Variants in DYM observed in about 807,000 individuals in gnomAD.
The protein encoded by DYM is dymeclin.
A neutral mutation model predicts 93.1 loss-of-function variants in DYM; 78 were observed. That is an observed-to-expected ratio of 0.84 (90% CI 0.70 to 1.01). The LOEUF is 1.01. DYM is among the 50% of genes least tolerant of loss of function. The pLI is 0.00. For synonymous variants in DYM, 321 were observed against 319.7 expected (o/e 1.00, Z -0.04); for missense variants, 789 against 845.0 (o/e 0.93, Z 0.82).
chr18:49,240,361 G>A (rs1016721000), intron 13 of DYM, among the ~76,000 whole-genome samples: 6 of 151,864 alleles, frequency 4.0e-5, no homozygotes, highest in South Asian at 4.2e-4. Flanking sequence ...TTAAAACTGA[G>A]AAAATATTAA....
At chr18:49,306,012 C>T (rs544541676) in intron 8 of DYM, among the ~76,000 whole-genome samples, 22 of 152,316 alleles carry the variant, frequency 1.4e-4, no homozygotes, top group African/African-American at 5.3e-4. Flanking sequence ...CACATTATAA[C>T]TCACACATTA....
rs2094717805 is a variant in DYM, at chr18:49,272,085, T to G, written c.1251+93A>C. ...TCTAATACAGGTTCTCACAGGAACATCTACCAGAAAGAAATGTAAAGACTA... is the reference window on the plus strand; with the variant it reads ...TCTAATACAGGTTCTCACAGGAACAGCTACCAGAAAGAAATGTAAAGACTA... On this transcript the variant is annotated intron_variant, in intron 11 of 17. Coordinates refer to ENST00000675505, the MANE Select transcript of DYM (RefSeq NM_001353214.3). 9 of 1,084,400 alleles carry G rather than the reference T, an allele frequency of 8.3e-6. No individual in the cohort carries two copies. The South Asian group carries it at 1.3e-4, about 15-fold the overall frequency. 67.2% of individuals were successfully genotyped at this position (1,084,400 alleles called of 1,614,324 possible).
intron 13 of DYM, among the ~76,000 whole-genome samples, chr18:49,226,792 A>G (rs1307361024): frequency 6.6e-6 from 1 of 152,154 alleles, no homozygotes; most frequent in East Asian, 1.9e-4. Context: ...CATTAAAACT[A>G]TGACTCCCAC....
chr18:49,350,223 T>C (rs2064988387), intron 6 of DYM, among the ~76,000 whole-genome samples: 2 of 152,278 alleles, frequency 1.3e-5, no homozygotes, highest in South Asian at 4.1e-4. Context: ...GGAGTGTTGT[T>C]TATAATAGTA....
intron 1 of DYM, among the ~76,000 whole-genome samples, chr18:49,439,653 G>A (rs1268473272): frequency 6.6e-6 from 1 of 152,076 alleles, no homozygotes; most frequent in African/African-American, 2.4e-5. Flanking sequence ...AGTACAATAT[G>A]CTAATTAAAA....
In DYM at chr18:49,130,712, G is replaced by A. The variant is rs191728863; in HGVS notation, c.1729-11786C>T. On this transcript the variant is annotated intron_variant, in intron 15 of 17. Coordinates refer to ENST00000675505, the MANE Select transcript of DYM (RefSeq NM_001353214.3). ...ATTTCCTAGAATTATACAATGGACT[G>A]TATGACTTGGTAGGTGCTATGGCAG... Among the ~76,000 whole-genome samples, 3 of 152,268 alleles carry A rather than the reference G, an allele frequency of 2.0e-5. No individual in the cohort carries two copies. The East Asian group carries it at 5.8e-4, about 29-fold the overall frequency.
chr18:49,292,466 C>G (rs2060202232), intron 8 of DYM, among the ~76,000 whole-genome samples: 1 of 151,222 alleles, frequency 6.6e-6, no homozygotes. Flanking sequence ...CTGTCACTGC[C>G]TACATTACAG....
intron 15 of DYM, among the ~76,000 whole-genome samples, chr18:49,157,317 T>C (rs2086578990): frequency 6.6e-6 from 1 of 152,090 alleles, no homozygotes; most frequent in Admixed American, 6.6e-5. Flanking sequence ...GACAGTTCCA[T>C]CTTCTGAACT....
At position 49,118,792 on chromosome 18, in the gene DYM, T is replaced by C. The variant is rs780909193; in HGVS notation, c.1863A>G (p.Gln621=). The change falls in exon 16 of 18, where the codon CAA becomes CAG. Residue 621 remains glutamine (Q), a synonymous_variant. Transcript: ENST00000675505. ...CCTGAAATGAAGGATGAGTTCGAAA[T>C]TGTTCAAAGAGATCGCGTTTGTAAA... ...ALLYKRDLFE[Q]FRTHPSFQDI... 6 of 1,614,114 alleles carry C rather than the reference T, an allele frequency of 3.7e-6. No homozygotes were observed. The highest frequency in any genetic ancestry group is 4.2e-6 in the Non-Finnish European group (5 of 1,179,988).
At chr18:49,285,866 G>T (rs148301011) in intron 9 of DYM, among the ~76,000 whole-genome samples, 2 of 152,274 alleles carry the variant, frequency 1.3e-5, no homozygotes, top group African/African-American at 4.8e-5. Context: ...CAGCTCATGG[G>T]CAGCCTGCCC....
At chr18:49,424,874 C>T (rs1371460011) in intron 2 of DYM, among the ~76,000 whole-genome samples, 1 of 152,100 alleles carries the variant, frequency 6.6e-6, no homozygotes, top group Non-Finnish European at 1.5e-5. Context: ...TTACAAACCA[C>T]TGCTCAACGA....
At chr18:49,071,643 G>C (rs1404643990) in intron 17 of DYM, among the ~76,000 whole-genome samples, 1 of 152,204 alleles carries the variant, frequency 6.6e-6, no homozygotes, top group Admixed American at 6.5e-5. Flanking sequence ...AGGGTAACAG[G>C]CTCACTGATA....
intron 13 of DYM, among the ~76,000 whole-genome samples, chr18:49,242,423 A>G (rs1301242023): frequency 6.6e-6 from 1 of 152,192 alleles, no homozygotes; most frequent in Non-Finnish European, 1.5e-5. Flanking sequence ...AAAAATAATA[A>G]TAACAATAAA....
intron 1 of DYM, among the ~76,000 whole-genome samples, chr18:49,441,018 T>TATA (rs2081406048): frequency 1.5e-4 from 1 of 6,624 alleles, no homozygotes; most frequent in Non-Finnish European, 3.1e-4. Context: ...TTATATATTA[T>TATA]ATATATTTAT....
At chr18:49,138,429 G>A (rs536646632) in intron 15 of DYM, among the ~76,000 whole-genome samples, 4 of 152,262 alleles carry the variant, frequency 2.6e-5, no homozygotes, top group East Asian at 1.9e-4. Context: ...AGTTGCTATC[G>A]GAATATTCCC....
intron 8 of DYM, among the ~76,000 whole-genome samples, chr18:49,293,596 T>A (rs1376067828): frequency 3.3e-5 from 5 of 152,320 alleles, no homozygotes; most frequent in South Asian, 2.1e-4. Flanking sequence ...AGCTTTCATA[T>A]GTTTGTTGGC....
At chr18:49,210,836 AC>A (rs1158630617) in intron 13 of DYM, among the ~76,000 whole-genome samples, 1 of 152,146 alleles carries the variant, frequency 6.6e-6, no homozygotes, top group African/African-American at 2.4e-5. Flanking sequence ...TGAACCTAAA[AC>A]TGCTCTTTAA....
Position 49,258,496 on chromosome 18 carries a change from G to C in DYM, c.1252-3C>G, listed in dbSNP as rs923306565. The C allele has an allele frequency of 6.5e-7, 1 of 1,533,300 alleles. No homozygotes were observed. Among genetic ancestry groups the C allele is most frequent in the African/African-American group, 1.4e-5 (1 of 73,222 alleles). The allele number at this position is 1,533,300 out of a possible 1,614,324, so 95.0% of individuals were successfully genotyped here. ...TACCAAGTAATATTTTTTAGTATCT[G>C]TAATGGGGAAGAAAAGTTTAAGTAA... is the stretch of plus-strand genomic sequence containing the variant. On this transcript the variant is annotated splice_region_variant and splice_polypyrimidine_tract_variant and intron_variant, in intron 11 of 17. Coordinates refer to ENST00000675505, the MANE Select transcript of DYM (RefSeq NM_001353214.3).
Position 49,336,989 on chromosome 18 carries a change from A to G in DYM, c.495-3136T>C, listed in dbSNP as rs1437396364. Among the ~76,000 whole-genome samples the G allele has an allele frequency of 2.6e-5, 4 of 152,184 alleles. No homozygotes were observed. The East Asian group carries it at 7.7e-4, about 29-fold the overall frequency. ...GAACCTTTCATTTTTGCTGTTGTTT[A>G]TATTCTCAACTCTAGTATATAATAG... On this transcript the variant is annotated intron_variant, in intron 6 of 17. Coordinates refer to ENST00000675505, the MANE Select transcript of DYM (RefSeq NM_001353214.3).
Sources: gnomAD v4.1 joint callset for allele counts (sites outside exome capture counted in the v4.1 genomes callset) on GRCh38, gnomAD v4.1.1 for gene constraint, MANE v1.5 for transcripts, NCBI Gene and HGNC (gene_info 2026-07-23, HGNC 2026-07-21) for gene names.